Variants in SLC4A4 observed in about 807,000 individuals in gnomAD.
The protein encoded by SLC4A4 is solute carrier family 4 member 4, also known as electrogenic sodium bicarbonate cotransporter 1.
Under a neutral mutation model 111.5 loss-of-function variants are expected in SLC4A4, and 27 were observed. The observed-to-expected ratio is 0.24, with a 90% confidence interval of 0.18 to 0.33. The LOEUF (loss-of-function observed/expected upper bound fraction) is 0.33, where lower values mean the gene tolerates loss of function less well. Ranked by LOEUF, SLC4A4 falls within the 10% of genes least tolerant of loss-of-function variation. SLC4A4 has a pLI of 1.00. For synonymous variants in SLC4A4, 443 were observed against 463.4 expected (o/e 0.96, Z 0.57); for missense variants, 909 against 1,315.5 (o/e 0.69, Z 4.78).
At chr4:71,436,543 A>C (rs1724163997) in intron 7 of SLC4A4, among the ~76,000 whole-genome samples, 1 of 152,220 alleles carries the variant, frequency 6.6e-6, no homozygotes. Flanking sequence ...TGTACCCCAG[A>C]ACTTAAAGTA....
At position 71,529,997 on chromosome 4, in the gene SLC4A4, C is replaced by T. The variant is rs74823098; in HGVS notation, c.2167-2065C>T. Reference sequence around the variant, plus strand: ...TCTTTTGCCAGACCACCCTGAACTGCCAGTGTCAACACTACTTGCACAAAA... The same window carrying T: ...TCTTTTGCCAGACCACCCTGAACTGTCAGTGTCAACACTACTTGCACAAAA... On this transcript the variant is annotated intron_variant, in intron 16 of 25. Transcript: ENST00000264485. Among the ~76,000 whole-genome samples the T allele has an allele frequency of 2.0e-5, 3 of 152,094 alleles. No individual in the cohort carries two copies. The South Asian group carries it at 6.2e-4, about 32-fold the overall frequency.
chr4:71,089,397 C>T (rs954728131), intron 1 of SLC4A4, among the ~76,000 whole-genome samples: 6 of 152,080 alleles, frequency 3.9e-5, no homozygotes, highest in Admixed American at 2.0e-4. Flanking sequence ...TCTCTCAACT[C>T]GTCAAAGTCA....
chr4:71,443,116 C>CTCTCTCTCTCTATATATATATATATA (rs1198759861), intron 8 of SLC4A4, among the ~76,000 whole-genome samples: 1 of 65,656 alleles, frequency 1.5e-5, no homozygotes, highest in African/African-American at 8.7e-5. Flanking sequence ...CTCTCTCTCT[C>CTCTCTCTCTCTATATATATATATATA]TATATATATA....
intron 7 of SLC4A4, chr4:71,437,938 C>A: frequency 6.2e-6 from 1 of 160,680 alleles, no homozygotes; most frequent in Non-Finnish European, 1.4e-5. Context: ...CGTTAGCTCA[C>A]GCAAGAGGCA....
intron 18 of SLC4A4, among the ~76,000 whole-genome samples, chr4:71,538,786 G>A (rs754201087): frequency 1.3e-5 from 2 of 151,952 alleles, no homozygotes; most frequent in African/African-American, 2.4e-5. Flanking sequence ...ATGTAGGAAC[G>A]CCAAGACACT....
At chr4:71,246,296 T>A (rs553290145) in intron 2 of SLC4A4, among the ~76,000 whole-genome samples, 1 of 152,086 alleles carries the variant, frequency 6.6e-6, no homozygotes, top group African/African-American at 2.4e-5. Context: ...TTGGTAGGAG[T>A]TGGAATAACT....
At chr4:71,374,573 TATC>T (rs2148938319) in intron 6 of SLC4A4, among the ~76,000 whole-genome samples, 1 of 152,316 alleles carries the variant, frequency 6.6e-6, no homozygotes, top group Non-Finnish European at 1.5e-5. Context: ...ATGAAAAACA[TATC>T]ATAAATTATT....
intron 1 of SLC4A4, among the ~76,000 whole-genome samples, chr4:71,227,312 G>A (rs928470418): frequency 5.3e-5 from 8 of 152,206 alleles, no homozygotes; most frequent in African/African-American, 1.9e-4. Context: ...TACGTTTCAT[G>A]TTAAGCAAGT....
intron 15 of SLC4A4, among the ~76,000 whole-genome samples, chr4:71,491,357 G>A (rs78099685): frequency 3.2e-4 from 49 of 151,952 alleles, no homozygotes; most frequent in African/African-American, 1.0e-3. Flanking sequence ...GCTACAGCAC[G>A]TCCTCAGATT....
intron 2 of SLC4A4, among the ~76,000 whole-genome samples, chr4:71,166,205 C>T (rs76537433): frequency 0.012 from 1,818 of 152,284 alleles, 44 homozygotes; most frequent in African/African-American, 0.04. Flanking sequence ...TTGCTGTACT[C>T]ACCCATATGA....
intron 2 of SLC4A4, among the ~76,000 whole-genome samples, chr4:71,249,209 G>T (rs1263964036): frequency 6.6e-6 from 1 of 151,980 alleles, no homozygotes; most frequent in Non-Finnish European, 1.5e-5. Context: ...TTTGTCATTT[G>T]CTTGCATGCC....
rs541393332 is a variant in SLC4A4, at chr4:71,424,071, A to G, written c.808-16545A>G. On this transcript the variant is annotated intron_variant, in intron 7 of 25. Transcript: ENST00000264485. ...GAACAGGCAACCCACAAAATGGGGG[A>G]AAATTTTCGCAACCTACTCTTCTGA... Among the ~76,000 whole-genome samples the G allele has an allele frequency of 4.6e-4, 70 of 152,256 alleles. 2 individuals carry two copies. In the East Asian group the frequency reaches 0.013, roughly 28 times the overall value.
intron 3 of SLC4A4, among the ~76,000 whole-genome samples, chr4:71,298,884 G>A (rs560009462): frequency 8.3e-4 from 127 of 152,200 alleles, no homozygotes; most frequent in Non-Finnish European, 1.5e-3. Context: ...CAGTTTATGT[G>A]CTCATTCTTT....
intron 7 of SLC4A4, among the ~76,000 whole-genome samples, chr4:71,439,812 C>T (rs1057028531): frequency 6.6e-6 from 1 of 151,564 alleles, no homozygotes; most frequent in African/African-American, 2.4e-5. Context: ...CCCTCTCCGT[C>T]TTTCTGCTTG....
At chr4:71,399,343 C>T (rs1165104990) in intron 7 of SLC4A4, among the ~76,000 whole-genome samples, 2 of 151,992 alleles carry the variant, frequency 1.3e-5, no homozygotes, top group South Asian at 2.1e-4. Flanking sequence ...CTTTAACTGA[C>T]AGCACTTGTA....
intron 3 of SLC4A4, among the ~76,000 whole-genome samples, chr4:71,286,154 G>A (rs1723900866): frequency 6.6e-6 from 1 of 152,110 alleles, no homozygotes. Context: ...GCAGGAGAAC[G>A]GCGTGAACCT....
chr4:71,121,667 CAAAACGGACCAATCAGCTCTCTGT>C (rs1454665491), intron 2 of SLC4A4, among the ~76,000 whole-genome samples: 251 of 152,250 alleles, frequency 1.6e-3, no homozygotes, highest in Non-Finnish European at 2.6e-3. Flanking sequence ...AGCACCCTGT[CAAAACGGACCAATCAGCTCTCTGT>C]AAAATGGACC....
chr4:71,366,417 T>A (rs1174412170), intron 6 of SLC4A4, among the ~76,000 whole-genome samples: 1 of 151,264 alleles, frequency 6.6e-6, no homozygotes, highest in African/African-American at 2.4e-5. Context: ...ATTGATGGTT[T>A]TGGACAAGTT....
chr4:71,562,092 T>G (rs1453709274), intron 23 of SLC4A4, among the ~76,000 whole-genome samples: 3 of 151,826 alleles, frequency 2.0e-5, no homozygotes, highest in Non-Finnish European at 4.4e-5. Flanking sequence ...ACAAATCCTA[T>G]TTCATTTAAA....
Sources: allele counts gnomAD v4.1 joint callset (sites outside exome capture counted in the v4.1 genomes callset), GRCh38; gene constraint gnomAD v4.1.1; transcripts MANE v1.5; gene names NCBI Gene and HGNC (gene_info 2026-07-23, HGNC 2026-07-21).